ENO4: variants seen among roughly 807,000 people sequenced by gnomAD.
ENO4 encodes enolase 4, also known as 2-phospho-D-glycerate hydro-lyase.
In ENO4, 53 loss-of-function variants were observed where a neutral mutation model predicts 63.2. That is an observed-to-expected ratio of 0.84 (90% CI 0.67 to 1.05). The LOEUF is 1.05. Ranked by LOEUF, ENO4 falls within the 50% of genes least tolerant of loss-of-function variation. The pLI, the probability that ENO4 is intolerant of heterozygous loss-of-function variation, is 0.00. For synonymous variants in ENO4, 266 were observed against 283.8 expected (o/e 0.94, Z 0.63); for missense variants, 719 against 772.0 (o/e 0.93, Z 0.81).
rs1564855792 is a variant in ENO4, at chr10:116,882,005, A to AT, written c.*337dup. Reference sequence around the variant, plus strand: ...AACACCCCATCCTTTACCAATCAGAATATCTCTGAGAACAAAAACCTAATG... The same window carrying AT: ...AACACCCCATCCTTTACCAATCAGAATTATCTCTGAGAACAAAAACCTAATG... On this transcript the variant is annotated 3_prime_UTR_variant, in exon 14 of 14. Transcript: ENST00000341276. 1 of 189,056 alleles carries AT rather than the reference A, an allele frequency of 5.3e-6. No individual in the cohort carries two copies. The highest frequency in any genetic ancestry group is 1.2e-4 in the East Asian group (1 of 8,066). 11.7% of individuals were successfully genotyped at this position (189,056 alleles called of 1,614,324 possible).
chr10:116,889,891 G>C (rs1161525554), intron 10 of ENO4, among the ~76,000 whole-genome samples: 3 of 152,140 alleles, frequency 2.0e-5, no homozygotes, highest in Non-Finnish European at 4.4e-5. Flanking sequence ...GACATCACTA[G>C]GTCCACTCTT....
chr10:116,865,486 A>T (rs1261775444), intron 7 of ENO4, among the ~76,000 whole-genome samples: 4 of 152,140 alleles, frequency 2.6e-5, no homozygotes, highest in Non-Finnish European at 5.9e-5. Flanking sequence ...CGGCCAGCCA[A>T]TTCTTTATAT....
Position 116,860,849 on chromosome 10 carries a change from T to A in ENO4, c.690T>A (p.Pro230=), listed in dbSNP as rs1402804174. Residue 230 remains proline (P), a synonymous_variant, in exon 5 of 14, where the codon CCT becomes CCA. Transcript: ENST00000341276. ...KPIAPAEPVE[P]VLSGSMAIGA... ...TTGCGCCTGCAGAGCCTGTTGAGCC[T>A]GTACTCAGTGGCAGTATGGCCATAG... 6.5e-7 allele frequency: 1 copy of A among 1,548,798 alleles called. No homozygotes were observed. The highest frequency in any genetic ancestry group is 8.7e-7 in the Non-Finnish European group (1 of 1,145,710).
intron 1 of ENO4, among the ~76,000 whole-genome samples, chr10:116,850,729 GT>G (rs1846055020): frequency 1.3e-5 from 2 of 152,244 alleles, no homozygotes; most frequent in South Asian, 4.1e-4. Context: ...GAGGTGTGGG[GT>G]TTACTGAGCC....
chr10:116,869,425 C>T (rs1846631282), intron 8 of ENO4, among the ~76,000 whole-genome samples: 1 of 152,078 alleles, frequency 6.6e-6, no homozygotes, highest in Non-Finnish European at 1.5e-5. Flanking sequence ...CAATCTTTGC[C>T]CCACCCTGAT....
At chr10:116,906,939 A>C (rs1360948498) in intron 10 of ENO4, among the ~76,000 whole-genome samples, 1 of 152,202 alleles carries the variant, frequency 6.6e-6, no homozygotes, top group Non-Finnish European at 1.5e-5. Context: ...ATTTAAGAAG[A>C]TGCTATTGAT....
chr10:116,874,200 A>T lies in ENO4; in HGVS notation c.1340A>T (p.Glu447Val), dbSNP rs185488487. ...IIALIDPFRK[E>V]DSEQWDSIYH... ...GCCTTAATTGATCCTTTCAGGAAGG[A>T]GGTAAGCACCCCACCTTCCATATTT... The change falls in exon 10 of 14, where the codon GAG becomes GTG. Residue 447 changes from glutamate (E) to valine (V), a missense_variant and splice_region_variant. Glu to Val is a moderately radical substitution (Grantham distance 121). Around this residue, in one of 3 missense-constraint regions of ENO4, gnomAD observed 544 missense variants for 583.6 expected, o/e 0.93. Transcript: ENST00000341276. The T allele has an allele frequency of 6.5e-4, 997 of 1,533,314 alleles. No homozygotes were observed. The highest frequency in any genetic ancestry group is 8.6e-4 in the Non-Finnish European group (973 of 1,133,638). 95.0% of individuals were successfully genotyped at this position (1,533,314 alleles called of 1,614,324 possible).
chr10:116,892,180 C>T (rs1847360134), intron 10 of ENO4, among the ~76,000 whole-genome samples: 1 of 152,140 alleles, frequency 6.6e-6, no homozygotes, highest in Non-Finnish European at 1.5e-5. Context: ...TCCCGGACCA[C>T]AATGCAATGC....
At chr10:116,867,129 C>T (rs1564848774) in intron 7 of ENO4, among the ~76,000 whole-genome samples, 2 of 152,072 alleles carry the variant, frequency 1.3e-5, no homozygotes, top group East Asian at 1.9e-4. Context: ...CTGCAATCAC[C>T]ATGCTTTGTT....
At chr10:116,902,122 C>T (rs898307334) in intron 10 of ENO4, among the ~76,000 whole-genome samples, 2 of 152,202 alleles carry the variant, frequency 1.3e-5, no homozygotes, top group Non-Finnish European at 2.9e-5. Flanking sequence ...GCTCTGCTTT[C>T]GTGGTACTAC....
chr10:116,911,396 G>A, intron 10 of ENO4: 1 of 1,456,232 alleles, frequency 6.9e-7, no homozygotes. Flanking sequence ...GAGGAATTTA[G>A]CTTCACATTT....
chr10:116,904,865 G>C (rs1847898712), intron 10 of ENO4, among the ~76,000 whole-genome samples: 1 of 152,204 alleles, frequency 6.6e-6, no homozygotes, highest in Non-Finnish European at 1.5e-5. Flanking sequence ...CACAAAATGT[G>C]AACGACAGAG....
intron 6 of ENO4, among the ~76,000 whole-genome samples, chr10:116,862,520 A>G (rs1341714276): frequency 1.3e-5 from 2 of 152,190 alleles, no homozygotes; most frequent in African/African-American, 2.4e-5. Flanking sequence ...TCCAGAGACC[A>G]TAAAAGAGGA....
At chr10:116,879,814 T>G in intron 12 of ENO4, 55 bp from the exon 13 acceptor site, 2 of 1,303,024 alleles carry the variant, frequency 1.5e-6, no homozygotes, top group Non-Finnish European at 2.1e-6. Flanking sequence ...GAATTGTTTG[T>G]CGTTTAGCAA....
chr10:116,870,598 C>A (rs1018583220), intron 8 of ENO4, among the ~76,000 whole-genome samples: 9 of 152,168 alleles, frequency 5.9e-5, no homozygotes, highest in African/African-American at 2.2e-4. Flanking sequence ...CACGTTCAAG[C>A]CACTGCACTC....
intron 3 of ENO4, among the ~76,000 whole-genome samples, chr10:116,858,174 C>T (rs1846320014): frequency 6.6e-6 from 1 of 152,108 alleles, no homozygotes; most frequent in African/African-American, 2.4e-5. Flanking sequence ...CCATAAAAAC[C>T]TCATTGTTCT....
In ENO4 at chr10:116,856,693, C is replaced by T; in HGVS notation, c.485+11C>T. 1 of 1,507,216 alleles carries T rather than the reference C, an allele frequency of 6.6e-7. No individual in the cohort carries two copies. The highest frequency in any genetic ancestry group is 8.8e-7 in the Non-Finnish European group (1 of 1,132,162). 93.4% of individuals were successfully genotyped at this position (1,507,216 alleles called of 1,614,324 possible). A position where few individuals can be genotyped will look rare whatever the true frequency, so the allele number is the denominator to read the frequency against. On this transcript the variant is annotated intron_variant, in intron 3 of 13. Transcript: ENST00000341276. Reference sequence around the variant, plus strand: ...GGATCACCTACTCAGGTACAGTTTCCACTTTGAAATATAAACATCAAGTAC... The same window carrying T: ...GGATCACCTACTCAGGTACAGTTTCTACTTTGAAATATAAACATCAAGTAC...
rs867479423 is a variant in ENO4 at position 116,905,070 on chromosome 10, G to A, written c.1195-6429G>A. ...CAAAAAATTAGCCGGGCGCGGTGGCGGGCGCCTGTAGTCCCAGCTACTGGG... is the reference window on the plus strand; with the variant it reads ...CAAAAAATTAGCCGGGCGCGGTGGCAGGCGCCTGTAGTCCCAGCTACTGGG... On this transcript the variant is annotated intron_variant, in intron 10 of 10. Transcript: ENST00000369207. Among the ~76,000 whole-genome samples the A allele has an allele frequency of 4.0e-5, 6 of 151,662 alleles. 1 individual carries two copies. The highest frequency in any genetic ancestry group is 3.4e-3 in the Middle Eastern group (1 of 294).
downstream of ENO4, chr10:116,884,517 T>C (rs1434882357): frequency 3.1e-6 from 1 of 326,730 alleles, no homozygotes; most frequent in East Asian, 7.8e-5. Flanking sequence ...GAAAGGAGGG[T>C]ATTTTGATAA....
Sources: allele counts gnomAD v4.1 joint callset (sites outside exome capture counted in the v4.1 genomes callset), GRCh38; gene constraint gnomAD v4.1.1; regional missense constraint gnomAD v4.1.1; transcripts MANE v1.5; gene names NCBI Gene and HGNC (gene_info 2026-07-23, HGNC 2026-07-21).